Variants in LPAR3 observed in about 807,000 individuals in gnomAD.
LPAR3 encodes lysophosphatidic acid receptor 3.
Under a neutral mutation model 17.8 loss-of-function variants are expected in LPAR3, and 7 were observed. The ratio of observed to expected loss-of-function variants is 0.39; its 90% CI spans 0.22 to 0.74. LPAR3 has a LOEUF of 0.74. Ranked by LOEUF, LPAR3 falls within the 30% of genes least tolerant of loss-of-function variation. LPAR3 has a pLI of 0.40. For synonymous variants in LPAR3, 179 were observed against 179.9 expected (o/e 0.99, Z 0.04); for missense variants, 391 against 453.4 (o/e 0.86, Z 1.25).
intron 2 of LPAR3, among the ~76,000 whole-genome samples, chr1:84,844,342 T>G (rs948398406): frequency 2.0e-5 from 3 of 152,182 alleles, no homozygotes; most frequent in Non-Finnish European, 4.4e-5. Context: ...AAATGTTTCA[T>G]TTAGATGTGT....
intron 2 of LPAR3, among the ~76,000 whole-genome samples, chr1:84,826,740 A>T (rs1659164487): frequency 6.6e-6 from 1 of 152,224 alleles, no homozygotes; most frequent in South Asian, 2.1e-4. Context: ...CTTAAAAAAG[A>T]TCCTGAAACA....
At chr1:84,829,131 T>G (rs1659230270) in intron 2 of LPAR3, among the ~76,000 whole-genome samples, 1 of 150,882 alleles carries the variant, frequency 6.6e-6, no homozygotes, top group African/African-American at 2.4e-5. Flanking sequence ...TCTGCTTGAT[T>G]TCCTTGTATC....
intron 1 of LPAR3, among the ~76,000 whole-genome samples, chr1:84,889,216 A>C (rs1193777294): frequency 6.6e-6 from 1 of 152,186 alleles, no homozygotes; most frequent in East Asian, 1.9e-4. Context: ...CCCACCCTCC[A>C]GCTGGCTTGC....
chr1:84,859,369 G>A (rs977092501), intron 2 of LPAR3, among the ~76,000 whole-genome samples: 2 of 152,166 alleles, frequency 1.3e-5, no homozygotes, highest in African/African-American at 4.8e-5. Flanking sequence ...GAGGGAGGAA[G>A]AAGTGAGAAG....
At chr1:84,847,626 C>T (rs1659616763) in intron 2 of LPAR3, among the ~76,000 whole-genome samples, 1 of 152,188 alleles carries the variant, frequency 6.6e-6, no homozygotes, top group African/African-American at 2.4e-5. Flanking sequence ...ACCTGGGTGT[C>T]TGTTTTATAT....
chr1:84,880,602 C>G (rs999758507), intron 1 of LPAR3, among the ~76,000 whole-genome samples: 2 of 152,166 alleles, frequency 1.3e-5, no homozygotes, highest in Non-Finnish European at 2.9e-5. Context: ...TGAAGAGAGG[C>G]AGAGAGATGA....
At chr1:84,851,941 T>C (rs891151274) in intron 2 of LPAR3, among the ~76,000 whole-genome samples, 1 of 151,950 alleles carries the variant, frequency 6.6e-6, no homozygotes, top group Admixed American at 6.6e-5. Flanking sequence ...AGCAAGAAAA[T>C]GCTGGAGGAG....
chr1:84,889,589 T>C (rs554515168), intron 1 of LPAR3, among the ~76,000 whole-genome samples: 14 of 152,210 alleles, frequency 9.2e-5, no homozygotes, highest in South Asian at 2.1e-4. Context: ...TCCTGAAATT[T>C]AACTTCCTCT....
In LPAR3 at chr1:84,866,151, T is replaced by G. The variant is rs1031508736; in HGVS notation, c.-18-13A>C. ...AGAAGTGAACATCCTAGAAAGAAAT[T>G]TAAAGAAGAAACAAATATCATTTGT... is the stretch of plus-strand genomic sequence containing the variant. On this transcript the variant is annotated splice_polypyrimidine_tract_variant and intron_variant, in intron 1 of 2. Coordinates refer to ENST00000370611, the MANE Select transcript of LPAR3 (RefSeq NM_012152.3). 6.5e-7 allele frequency: 1 copy of G among 1,531,092 alleles called. No homozygotes were observed. Among genetic ancestry groups the G allele is most frequent in the African/African-American group, 1.4e-5 (1 of 71,540 alleles). The allele number at this position is 1,531,092 out of a possible 1,614,324, so 94.8% of individuals were successfully genotyped here. A position where few individuals can be genotyped will look rare whatever the true frequency, so the allele number is the denominator to read the frequency against.
Position 84,814,032 on chromosome 1 carries a change from G to C in LPAR3, c.876C>G (p.Ile292Met), listed in dbSNP as rs1335692456. 4 of 1,614,192 alleles carry C rather than the reference G, an allele frequency of 2.5e-6. No homozygotes were observed. In the Admixed American group the frequency reaches 6.7e-5, roughly 27 times the overall value. Residue 292 changes from isoleucine (I) to methionine (M), a missense_variant, in exon 3 of 3, where the codon ATC becomes ATG. Ile to Met is a conservative substitution (Grantham distance 10). Coordinates refer to ENST00000370611, the MANE Select transcript of LPAR3 (RefSeq NM_012152.3). ...ALLNSVVNPI[I>M]YSYKDEDMYG... ...ACATGTCCTCGTCCTTGTAGGAGTA[G>C]ATGATGGGGTTCACGACGGAGTTGA...
In LPAR3 at chr1:84,889,790, A is replaced by T. The variant is rs1393333905; in HGVS notation, c.-19+3226T>A. 5.3e-5 allele frequency among the ~76,000 whole-genome samples: 8 copies of T among 152,326 alleles called. No homozygotes were observed. The South Asian group carries it at 6.2e-4, about 12-fold the overall frequency. Reference sequence around the variant, plus strand: ...TGAGTGGGCCTGCCTGGGGTGGCCCACATCTGGATGTCCTGCCTCTTTAAT... The same window carrying T: ...TGAGTGGGCCTGCCTGGGGTGGCCCTCATCTGGATGTCCTGCCTCTTTAAT... On this transcript the variant is annotated intron_variant, in intron 1 of 2. Coordinates refer to ENST00000370611, the MANE Select transcript of LPAR3 (RefSeq NM_012152.3).
intron 1 of LPAR3, among the ~76,000 whole-genome samples, chr1:84,871,935 G>A (rs1660164315): frequency 6.6e-6 from 1 of 152,048 alleles, no homozygotes; most frequent in Non-Finnish European, 1.5e-5. Flanking sequence ...CTGCACTTAA[G>A]CCATTTACCC....
chr1:84,811,897 A>G lies in LPAR3; in HGVS notation c.*1949T>C, dbSNP rs1658820488. 1 of 152,160 alleles carries G rather than the reference A, an allele frequency of 6.6e-6. No homozygotes were observed. The highest frequency in any genetic ancestry group is 1.5e-5 in the Non-Finnish European group (1 of 67,996). The allele number at this position is 152,160 out of a possible 1,614,324, so 9.4% of individuals were successfully genotyped here. ...TCAGAATACACTCTAAATGTTTTAC[A>G]TAGAAAACTCTCGTTGGTAGCCTGT... On this transcript the variant is annotated 3_prime_UTR_variant, in exon 3 of 3. Coordinates refer to ENST00000370611, the MANE Select transcript of LPAR3 (RefSeq NM_012152.3).
At chr1:84,837,573 C>T (rs1187969445) in intron 2 of LPAR3, among the ~76,000 whole-genome samples, 1 of 152,184 alleles carries the variant, frequency 6.6e-6, no homozygotes, top group Non-Finnish European at 1.5e-5. Context: ...CATTATAAAA[C>T]ATGGAAATAC....
rs115671614 is a variant in LPAR3, at chr1:84,861,095, A to C, written c.736+4290T>G. The stretch of plus-strand genomic sequence containing the variant: ...AATATGTATCAAGGAGTAAATGGAA[A>C]TGTTTAGCATTTTATCATAAAGACA... On this transcript the variant is annotated intron_variant, in intron 2 of 2. Transcript: ENST00000370611. Among the ~76,000 whole-genome samples, 949 of 152,336 alleles carry C rather than the reference A, an allele frequency of 6.2e-3. 8 individuals carry two copies. The highest frequency in any genetic ancestry group is 0.021 in the African/African-American group (882 of 41,578).
chr1:84,858,282 G>A (rs910097070), intron 2 of LPAR3, among the ~76,000 whole-genome samples: 1 of 152,054 alleles, frequency 6.6e-6, no homozygotes, highest in Non-Finnish European at 1.5e-5. Flanking sequence ...AGGAGTTTCA[G>A]ACCAGCCTGG....
chr1:84,824,815 A>G (rs1181972910), intron 2 of LPAR3, among the ~76,000 whole-genome samples: 1 of 152,138 alleles, frequency 6.6e-6, no homozygotes, highest in Non-Finnish European at 1.5e-5. Flanking sequence ...TGCGCACACA[A>G]TTTCTCACAC....
chr1:84,861,128 C>A (rs759435951), intron 2 of LPAR3, among the ~76,000 whole-genome samples: 1 of 152,134 alleles, frequency 6.6e-6, no homozygotes, highest in Non-Finnish European at 1.5e-5. Flanking sequence ...ACATTTAAAT[C>A]CTCCAATTAT....
chr1:84,877,445 C>A (rs956560178), intron 1 of LPAR3, among the ~76,000 whole-genome samples: 30 of 152,144 alleles, frequency 2.0e-4, no homozygotes, highest in Non-Finnish European at 4.0e-4. Flanking sequence ...AGACACAGTC[C>A]CCAAGTAGAC....
Sources: gnomAD v4.1 joint callset for allele counts (sites outside exome capture counted in the v4.1 genomes callset) on GRCh38, gnomAD v4.1.1 for gene constraint, MANE v1.5 for transcripts, NCBI Gene and HGNC (gene_info 2026-07-23, HGNC 2026-07-21) for gene names.